Variants in SAMD12 observed in about 807,000 individuals in gnomAD.
SAMD12 encodes sterile alpha motif domain-containing protein 12.
SAMD12 carries 9 observed loss-of-function variants against 15.0 expected under a neutral mutation model. That is an observed-to-expected ratio of 0.60 (90% CI 0.36 to 1.05). The LOEUF is 1.05. SAMD12 is among the 50% of genes least tolerant of loss of function. SAMD12 has a pLI of 0.01. For missense variants in SAMD12, 230 were observed against 234.2 expected (o/e 0.98, Z 0.12); for synonymous variants, 86 against 90.1 (o/e 0.96, Z 0.25).
chr8:118,535,969 C>T (rs1023926733), intron 2 of SAMD12, among the ~76,000 whole-genome samples: 1 of 152,164 alleles, frequency 6.6e-6, no homozygotes, highest in African/African-American at 2.4e-5. Flanking sequence ...ACCCACTGTC[C>T]AACAAACCCC....
intron 1 of SAMD12, among the ~76,000 whole-genome samples, chr8:118,602,219 C>T (rs1478510940): frequency 6.6e-6 from 1 of 152,216 alleles, no homozygotes; most frequent in African/African-American, 2.4e-5. Flanking sequence ...GTTTGCACAA[C>T]TGCCTTTGTC....
At chr8:118,350,868 C>T (rs1817930989) in intron 4 of SAMD12, among the ~76,000 whole-genome samples, 1 of 152,166 alleles carries the variant, frequency 6.6e-6, no homozygotes, top group Non-Finnish European at 1.5e-5. Flanking sequence ...CCCAAACAGC[C>T]ATATTCACAA....
intron 3 of SAMD12, among the ~76,000 whole-genome samples, chr8:118,435,927 A>G (rs1044004436): frequency 6.6e-6 from 1 of 152,220 alleles, no homozygotes; most frequent in Non-Finnish European, 1.5e-5. Flanking sequence ...AAATGTGTAA[A>G]TGGGAGGTAA....
intron 4 of SAMD12, among the ~76,000 whole-genome samples, chr8:118,201,889 A>G (rs1819725827): frequency 6.6e-6 from 1 of 152,210 alleles, no homozygotes; most frequent in Non-Finnish European, 1.5e-5. Context: ...AATTATTGGA[A>G]TCAAGAATTC....
At chr8:118,412,953 G>A (rs62533398) in intron 3 of SAMD12, among the ~76,000 whole-genome samples, 9,380 of 152,152 alleles carry the variant, frequency 0.062, 427 homozygotes, top group Non-Finnish European at 0.1. Flanking sequence ...TGTGACACAA[G>A]TAGAGGCTTG....
chr8:118,459,523 C>G (rs557155195), intron 2 of SAMD12, among the ~76,000 whole-genome samples: 1 of 152,278 alleles, frequency 6.6e-6, no homozygotes, highest in African/African-American at 2.4e-5. Flanking sequence ...AGAAGGGTAG[C>G]ATTAAAAGCA....
At chr8:118,283,536 T>A (rs1259435464) in intron 4 of SAMD12, among the ~76,000 whole-genome samples, 1 of 152,168 alleles carries the variant, frequency 6.6e-6, no homozygotes, top group African/African-American at 2.4e-5. Flanking sequence ...CCTCCTCTAA[T>A]TGGCCATTCC....
intron 4 of SAMD12, among the ~76,000 whole-genome samples, chr8:118,226,333 G>C (rs1812188134): frequency 6.6e-6 from 1 of 152,128 alleles, no homozygotes; most frequent in South Asian, 2.1e-4. Context: ...GCGTACTGAA[G>C]CCTCATACCG....
intron 3 of SAMD12, among the ~76,000 whole-genome samples, chr8:118,428,797 C>A (rs997123502): frequency 1.3e-5 from 2 of 152,070 alleles, no homozygotes; most frequent in East Asian, 1.9e-4. Flanking sequence ...CTATTATAAT[C>A]TACAAGTTAG....
At chr8:118,477,325 C>G (rs1823988723) in intron 2 of SAMD12, among the ~76,000 whole-genome samples, 1 of 152,118 alleles carries the variant, frequency 6.6e-6, no homozygotes, top group Non-Finnish European at 1.5e-5. Flanking sequence ...TTCACCCTCC[C>G]AAAGTGCTGG....
At chr8:118,546,094 C>T (rs756934925) in intron 2 of SAMD12, among the ~76,000 whole-genome samples, 5 of 152,284 alleles carry the variant, frequency 3.3e-5, no homozygotes, top group Middle Eastern at 3.4e-3. Context: ...GCCATCATTC[C>T]TGCCTTCACA....
intron 2 of SAMD12, among the ~76,000 whole-genome samples, chr8:118,569,681 T>C (rs1421259413): frequency 6.6e-6 from 1 of 152,128 alleles, no homozygotes; most frequent in Non-Finnish European, 1.5e-5. Flanking sequence ...TCACTCTCTC[T>C]GCCATATGAG....
intron 4 of SAMD12, among the ~76,000 whole-genome samples, chr8:118,344,208 C>A (rs1305516048): frequency 6.6e-6 from 1 of 152,164 alleles, no homozygotes; most frequent in East Asian, 1.9e-4. Flanking sequence ...CTCCCCCTAT[C>A]CTGCTCAGGT....
At position 118,290,909 on chromosome 8, in the gene SAMD12, T is replaced by C. The variant is rs142913745; in HGVS notation, c.433+88651A>G. Among the ~76,000 whole-genome samples the C allele has an allele frequency of 6.6e-3, 1,011 of 152,278 alleles. 14 individuals are homozygous for C. The highest frequency in any genetic ancestry group is 0.023 in the African/African-American group (964 of 41,566). On this transcript the variant is annotated intron_variant, in intron 4 of 4. Transcript: ENST00000409003. ...GTGTAGAACTGTTTTATTTACTAAATGCATGCCTTTACAACTCTTACAGAG... is the reference window on the plus strand; with the variant it reads ...GTGTAGAACTGTTTTATTTACTAAACGCATGCCTTTACAACTCTTACAGAG...
At chr8:118,309,531 A>T (rs541719090) in intron 4 of SAMD12, among the ~76,000 whole-genome samples, 38 of 152,166 alleles carry the variant, frequency 2.5e-4, no homozygotes, top group African/African-American at 9.2e-4. Context: ...TTTTCATATA[A>T]TGACTTCTTT....
At chr8:118,173,502 T>A in the SAMD12 span, among the ~76,000 whole-genome samples, 1 of 151,354 alleles carries the variant, frequency 6.6e-6, no homozygotes, top group Non-Finnish European at 1.5e-5. Context: ...CTCTGTTTTC[T>A]TTTATGCGAT....
intron 2 of SAMD12, among the ~76,000 whole-genome samples, chr8:118,533,045 A>G (rs1160590648): frequency 4.0e-5 from 6 of 151,842 alleles, no homozygotes; most frequent in African/African-American, 7.3e-5. Flanking sequence ...TGTCAATTTT[A>G]GATCTTTCCT....
intron 4 of SAMD12, among the ~76,000 whole-genome samples, chr8:118,322,998 A>C (rs576801601): frequency 6.6e-6 from 1 of 152,342 alleles, no homozygotes; most frequent in African/African-American, 2.4e-5. Context: ...AGGTCTTGCC[A>C]ACAGAATGTA....
At chr8:118,522,016 A>G (rs1484103857) in intron 2 of SAMD12, among the ~76,000 whole-genome samples, 1 of 152,142 alleles carries the variant, frequency 6.6e-6, no homozygotes, top group African/African-American at 2.4e-5. Flanking sequence ...CCTATCCTAT[A>G]TGGTAATACA....
Sources: allele counts gnomAD v4.1 joint callset (sites outside exome capture counted in the v4.1 genomes callset), GRCh38; gene constraint gnomAD v4.1.1; transcripts MANE v1.5; gene names NCBI Gene and HGNC (gene_info 2026-07-23, HGNC 2026-07-21).